The following ATCAY variants were observed in gnomAD, a reference collection of about 807,000 sequenced individuals.
ATCAY encodes caytaxin.
ATCAY carries 22 observed loss-of-function variants against 47.7 expected under a neutral mutation model. The observed-to-expected ratio is 0.46, with a 90% CI of 0.33 to 0.66. The LOEUF (loss-of-function observed/expected upper bound fraction) is 0.66. Ranked by LOEUF, ATCAY falls within the 30% of genes least tolerant of loss-of-function variation. The pLI is 0.02. For synonymous variants in ATCAY, 216 were observed against 207.6 expected, an observed-to-expected ratio of 1.04 and a Z score of -0.35; for missense variants, 452 against 515.0, an observed-to-expected ratio of 0.88 and a Z score of 1.18.
chr19:3,918,412 G>T (rs2038984744), intron 10 of ATCAY, among the ~76,000 whole-genome samples: 1 of 151,650 alleles, frequency 6.6e-6, no homozygotes. Context: ...AATTAGCCAG[G>T]TGTGGTGGCA....
intron 8 of ATCAY, among the ~76,000 whole-genome samples, chr19:3,912,716 A>G (rs2038933963): frequency 6.6e-6 from 1 of 151,640 alleles, no homozygotes; most frequent in Non-Finnish European, 1.5e-5. Context: ...CTCCATCTCT[A>G]CAAAAAAAAA....
Position 3,907,135 on chromosome 19 carries a change from A to C in ATCAY, c.359-599A>C, listed in dbSNP as rs987273022. Among the ~76,000 whole-genome samples, 1 of 148,564 alleles carries C rather than the reference A, an allele frequency of 6.7e-6. No homozygotes were observed. Reference sequence around the variant, plus strand: ...GGCGATGGAACAAGACTCTCTCAAAAAAAAAAAAGAAAGAAAAAAAAAAAT... The same window carrying C: ...GGCGATGGAACAAGACTCTCTCAAACAAAAAAAAGAAAGAAAAAAAAAAAT... On this transcript the variant is annotated intron_variant, in intron 4 of 12. Transcript: ENST00000450849. The surrounding 1 kb of genome is among the most constrained non-coding windows in gnomAD (Gnocchi z 5.1).
At position 3,907,752 on chromosome 19, in the gene ATCAY, C is replaced by G. The variant is rs200206649; in HGVS notation, c.377C>G (p.Thr126Ser). The change falls in exon 5 of 13, where the codon ACC becomes AGC. Residue 126 changes from threonine to serine, a missense_variant. Coordinates refer to ENST00000450849, the MANE Select transcript of ATCAY (RefSeq NM_033064.5). The surrounding 1 kb of genome is among the most constrained non-coding windows in gnomAD (Gnocchi z 5.1). ...CTTCTAGACGACACCCCCGTGGCCA[C>G]CGCCAAGAACATGCCCGGGGACAGC... is the stretch of plus-strand genomic sequence containing the variant. ...LEWEDDTPVATAKNMPGDSAD... is the reference protein window; with the variant it reads ...LEWEDDTPVASAKNMPGDSAD... The G allele has an allele frequency of 6.2e-7, 1 of 1,613,896 alleles. No homozygotes were observed. Among genetic ancestry groups the G allele is most frequent in the Non-Finnish European group, 8.5e-7 (1 of 1,179,890 alleles).
At chr19:3,900,497 A>G (rs2038807124) in intron 2 of ATCAY, among the ~76,000 whole-genome samples, 1 of 151,724 alleles carries the variant, frequency 6.6e-6, no homozygotes, top group Non-Finnish European at 1.5e-5. Flanking sequence ...GGACTGTGGC[A>G]GTCTCCCTGT....
rs140318808 is a variant in ATCAY, at chr19:3,881,800, C to T, written c.-42+792C>T. 2.2e-3 allele frequency among the ~76,000 whole-genome samples: 329 copies of T among 150,338 alleles called. 1 individual carries two copies. The highest frequency in any genetic ancestry group is 7.5e-3 in the African/African-American group (306 of 40,804). On this transcript the variant is annotated intron_variant, in intron 1 of 12. Coordinates refer to ENST00000450849, the MANE Select transcript of ATCAY (RefSeq NM_033064.5). ...GGCGAAGACCCCTTCCTCCGGAGAG[C>T]AAATGCGTTTCTACTGCCGAGGAGA...
intron 1 of ATCAY, among the ~76,000 whole-genome samples, chr19:3,884,889 G>C (rs2038634417): frequency 6.6e-6 from 1 of 151,828 alleles, no homozygotes; most frequent in Non-Finnish European, 1.5e-5. Context: ...TTGAGCCCAA[G>C]AGTTTGAGAC....
At chr19:3,890,799 C>A (rs953682101) in intron 2 of ATCAY, among the ~76,000 whole-genome samples, 1 of 152,196 alleles carries the variant, frequency 6.6e-6, no homozygotes, top group African/African-American at 2.4e-5. Flanking sequence ...CTGGCCCCCA[C>A]GAGCTACGCC....
At position 3,909,099 on chromosome 19, in the gene ATCAY, C is replaced by T. The variant is rs11666983; in HGVS notation, c.648-387C>T. On this transcript the variant is annotated intron_variant, in intron 6 of 12. Transcript: ENST00000450849. ...ACTAAAACTACAATTTAGCTGGGCT[C>T]GGTGGCAGGCGCCTGTAATCCCAGC... Among the ~76,000 whole-genome samples, 284 of 106,278 alleles carry T rather than the reference C, an allele frequency of 2.7e-3. 4 individuals are homozygous for T. Among genetic ancestry groups the T allele is most frequent in the Non-Finnish European group, 3.6e-3 (179 of 50,422 alleles). 69.7% of individuals were successfully genotyped at this position (106,278 alleles called of 152,430 possible).
intron 6 of ATCAY, among the ~76,000 whole-genome samples, 188 bp downstream of exon 6, chr19:3,908,558 G>A (rs2038886942): frequency 6.6e-6 from 1 of 151,280 alleles, no homozygotes; most frequent in Non-Finnish European, 1.5e-5. Context: ...CTTCCCTCTG[G>A]GCCACCCTGT....
At chr19:3,909,985 A>C (rs2038909762) in intron 7 of ATCAY, among the ~76,000 whole-genome samples, 1 of 152,120 alleles carries the variant, frequency 6.6e-6, no homozygotes, top group African/African-American at 2.4e-5. Context: ...GCTACTTGGG[A>C]AGCTGAGGCA....
intron 4 of ATCAY, among the ~76,000 whole-genome samples, chr19:3,906,084 C>T (rs1286213195): frequency 4.7e-5 from 7 of 148,082 alleles, no homozygotes; most frequent in African/African-American, 7.5e-5. Flanking sequence ...GGCAGGAGAA[C>T]GGTGTGAACC....
In ATCAY at chr19:3,917,600, A is replaced by T. The variant is rs1365527605; in HGVS notation, c.966-142A>T. On this transcript the variant is annotated intron_variant, in intron 9 of 12. Coordinates refer to ENST00000450849, the MANE Select transcript of ATCAY (RefSeq NM_033064.5). ...ACTCCATCTCAAAAAAAAAAAAAAA[A>T]AAAAAAAAAAGGAAGAAGAAGAAGA... 6.6e-6 allele frequency: 6 copies of T among 912,398 alleles called. 1 individual carries two copies. In the East Asian group the frequency reaches 1.6e-4, roughly 25 times the overall value. 56.5% of individuals were successfully genotyped at this position (912,398 alleles called of 1,614,324 possible). A position where few individuals can be genotyped will look rare whatever the true frequency, so the allele number is the denominator to read the frequency against.
chr19:3,899,219 G>A (rs2038793821), intron 2 of ATCAY, among the ~76,000 whole-genome samples: 1 of 151,720 alleles, frequency 6.6e-6, no homozygotes, highest in South Asian at 2.1e-4. Flanking sequence ...GAGAGGGAGG[G>A]AAAGGGAGAG....
chr19:3,918,354 C>T (rs1168736587), intron 10 of ATCAY, among the ~76,000 whole-genome samples: 1 of 150,324 alleles, frequency 6.7e-6, no homozygotes, highest in Non-Finnish European at 1.5e-5. Context: ...CACTGCACTC[C>T]AGCGTGGGTG....
rs1399378276 is a variant in ATCAY, at chr19:3,924,684, C to T, written c.*92C>T. ...CCACTGGCCCCAGATCTCATCCTGC[C>T]TCATCCTGAGTCCCAATCTTCCAAG... On this transcript the variant is annotated 3_prime_UTR_variant, in exon 13 of 13. Coordinates refer to ENST00000450849, the MANE Select transcript of ATCAY (RefSeq NM_033064.5). 2.8e-6 allele frequency: 4 copies of T among 1,429,434 alleles called. No individual in the cohort carries two copies. The African/African-American group carries it at 4.2e-5, about 15-fold the overall frequency. The allele number at this position is 1,429,434 out of a possible 1,614,324, so 88.5% of individuals were successfully genotyped here. A position where few individuals can be genotyped will look rare whatever the true frequency, so the allele number is the denominator to read the frequency against.
chr19:3,911,781 C>G (rs2145253948), intron 8 of ATCAY, among the ~76,000 whole-genome samples: 1 of 152,200 alleles, frequency 6.6e-6, no homozygotes, highest in Middle Eastern at 3.4e-3. Context: ...TTCACGTTCC[C>G]AGTTACAAAT....
intron 1 of ATCAY, among the ~76,000 whole-genome samples, chr19:3,885,098 GTTT>G (rs1555765609): frequency 1.2e-5 from 1 of 80,754 alleles, no homozygotes; most frequent in Non-Finnish European, 2.3e-5. Context: ...GCAAGATCAT[GTTT>G]TTTTTTTTAA....
At chr19:3,885,659 CA>C (rs1444908116) in intron 1 of ATCAY, 67 bp from the exon 2 acceptor site, 1 of 834,708 alleles carries the variant, frequency 1.2e-6, no homozygotes, top group African/African-American at 1.7e-5. Flanking sequence ...GGAAGAGCTG[CA>C]TGGGGTAGAC....
chr19:3,920,746 T>G lies in ATCAY; in HGVS notation c.1074-20T>G, dbSNP rs777455757. On this transcript the variant is annotated intron_variant, in intron 11 of 12. Transcript: ENST00000450849. Reference sequence around the variant, plus strand: ...CCAAAAATAAGCAAATAACGCCCAGTCTCCGTCTCTCCTCCACAGGTCTGC... The same window carrying G: ...CCAAAAATAAGCAAATAACGCCCAGGCTCCGTCTCTCCTCCACAGGTCTGC... 12 of 1,594,954 alleles carry G rather than the reference T, an allele frequency of 7.5e-6. 1 individual carries two copies. The highest frequency in any genetic ancestry group is 3.4e-4 in the Middle Eastern group (2 of 5,968).
Sources: gnomAD v4.1 joint callset for allele counts (sites outside exome capture counted in the v4.1 genomes callset) on GRCh38, gnomAD v4.1.1 for gene constraint, Gnocchi (gnomAD v3.1) non-coding constraint, MANE v1.5 for transcripts, NCBI Gene and HGNC (gene_info 2026-07-23, HGNC 2026-07-21) for gene names.